The following DAB1 variants were observed in gnomAD, a reference collection of about 807,000 sequenced individuals.
DAB1 encodes disabled homolog 1.
A neutral mutation model predicts 64.6 loss-of-function variants in DAB1; 15 were observed. The observed-to-expected ratio is 0.23, with a 90% CI of 0.16 to 0.36. DAB1 has a LOEUF of 0.36. DAB1 is among the 10% of genes least tolerant of loss of function. The pLI is 1.00. For missense variants in DAB1, 596 were observed against 706.7 expected, an observed-to-expected ratio of 0.84 and a Z score of 1.78; for synonymous variants, 235 against 251.9, an observed-to-expected ratio of 0.93 and a Z score of 0.64.
chr1:57,918,410 G>A (rs1206427248), intron 5 of DAB1, among the ~76,000 whole-genome samples: 1 of 152,068 alleles, frequency 6.6e-6, no homozygotes, highest in Non-Finnish European at 1.5e-5. Flanking sequence ...ATGGCAAAAT[G>A]GAAGTGGACA....
intron 7 of DAB1, among the ~76,000 whole-genome samples, chr1:57,614,900 T>C (rs1645772918): frequency 7.1e-6 from 1 of 140,598 alleles, no homozygotes; most frequent in African/African-American, 2.7e-5. Flanking sequence ...AGATGGAGTC[T>C]CGCTCTGTCG....
At chr1:57,757,959 G>A (rs1406637440) in intron 6 of DAB1, among the ~76,000 whole-genome samples, 2 of 151,954 alleles carry the variant, frequency 1.3e-5, no homozygotes, top group Non-Finnish European at 2.9e-5. Flanking sequence ...TAGGACTCCA[G>A]GTACATGTCA....
intron 3 of DAB1, among the ~76,000 whole-genome samples, chr1:58,464,875 A>T (rs976920534): frequency 8.5e-5 from 13 of 152,176 alleles, no homozygotes; most frequent in South Asian, 8.3e-4. Flanking sequence ...CCTCAGCAGT[A>T]TCCAAACACC....
intron 1 of DAB1, among the ~76,000 whole-genome samples, chr1:57,337,001 G>A (rs1274936002): frequency 6.6e-6 from 1 of 152,120 alleles, no homozygotes; most frequent in Non-Finnish European, 1.5e-5. Flanking sequence ...CAAACAGAGA[G>A]TGTGTTATCC....
intron 6 of DAB1, among the ~76,000 whole-genome samples, chr1:57,713,287 G>T (rs1647047465): frequency 6.6e-6 from 1 of 152,148 alleles, no homozygotes; most frequent in African/African-American, 2.4e-5. Flanking sequence ...GCTTAGGAGT[G>T]GTAGGGAGAA....
chr1:57,287,778 T>TGTTATTTATTTA (rs1553164512), intron 2 of DAB1, among the ~76,000 whole-genome samples: 15 of 144,144 alleles, frequency 1.0e-4, no homozygotes, highest in African/African-American at 3.9e-4. Context: ...TTTCTCTCTC[T>TGTTATTTATTTA]TTTATTTATT....
chr1:57,240,161 C>T (rs750624885), intron 2 of DAB1, among the ~76,000 whole-genome samples: 5 of 152,074 alleles, frequency 3.3e-5, no homozygotes, highest in Non-Finnish European at 5.9e-5. Context: ...CTGAGCATTT[C>T]CTAAATCCTC....
intron 6 of DAB1, among the ~76,000 whole-genome samples, chr1:57,697,241 G>A (rs12143343): frequency 0.25 from 37,250 of 151,646 alleles, 4,704 homozygotes; most frequent in African/African-American, 0.3. Context: ...GAATAAATGA[G>A]TTGATCAATC....
Position 58,238,927 on chromosome 1 carries a change from G to T in DAB1, n.310-88339C>A, listed in dbSNP as rs187345052. Among the ~76,000 whole-genome samples, 5 of 152,258 alleles carry T rather than the reference G, an allele frequency of 3.3e-5. No homozygotes were observed. In the East Asian group the frequency reaches 9.7e-4, roughly 29 times the overall value. On this transcript the variant is annotated intron_variant and non_coding_transcript_variant, in intron 4 of 20. Coordinates refer to the DAB1 transcript ENST00000485760. ...TGAGGCTTAGAAGGGCATGTTAAAA[G>T]AAGGTATATACCATATGCATAGAGA... is the stretch of plus-strand genomic sequence containing the variant.
chr1:58,541,688 G>C (rs1646623766), intron 1 of DAB1: 1 of 142,000 alleles, frequency 7.0e-6, no homozygotes, highest in Non-Finnish European at 1.5e-5. Context: ...ATCTAAATAT[G>C]AATTGAATTT....
At chr1:57,537,115 T>G (rs1351781929) in intron 7 of DAB1, among the ~76,000 whole-genome samples, 1 of 152,256 alleles carries the variant, frequency 6.6e-6, no homozygotes, top group African/African-American at 2.4e-5. Flanking sequence ...TTAGATAAAA[T>G]ACGTCATTCA....
At chr1:58,468,813 C>T (rs967233778) in intron 3 of DAB1, 4 of 160,508 alleles carry the variant, frequency 2.5e-5, no homozygotes, top group African/African-American at 4.8e-5. Flanking sequence ...AGCTCTAGTG[C>T]CCCTGCTATA....
chr1:57,970,118 C>A (rs1286301017), intron 5 of DAB1, among the ~76,000 whole-genome samples: 1 of 152,178 alleles, frequency 6.6e-6, no homozygotes, highest in Non-Finnish European at 1.5e-5. Context: ...GACATCAAAT[C>A]AGATGGTGCC....
At chr1:57,871,466 A>G (rs1042618099) in intron 1 of DAB1, among the ~76,000 whole-genome samples, 2 of 152,144 alleles carry the variant, frequency 1.3e-5, no homozygotes, top group African/African-American at 2.4e-5. Context: ...GTAAGCTTAG[A>G]GCTGGGTTAT....
At chr1:57,394,100 C>T (rs1682615402) in intron 1 of DAB1, among the ~76,000 whole-genome samples, 1 of 152,156 alleles carries the variant, frequency 6.6e-6, no homozygotes, top group Admixed American at 6.5e-5. Context: ...TAACCTTTAT[C>T]ATATATGGTG....
chr1:57,275,953 T>C (rs1294195925), intron 2 of DAB1, among the ~76,000 whole-genome samples: 1 of 152,098 alleles, frequency 6.6e-6, no homozygotes, highest in Non-Finnish European at 1.5e-5. Flanking sequence ...AATGCACCAA[T>C]AAAAATGGCA....
intron 4 of DAB1, among the ~76,000 whole-genome samples, chr1:58,256,918 TATGC>T (rs1660945721): frequency 2.6e-5 from 4 of 152,230 alleles, no homozygotes; most frequent in Non-Finnish European, 5.9e-5. Flanking sequence ...TTGACACTCA[TATGC>T]TGATTTGCGC....
chr1:57,212,489 T>A (rs1452601093), intron 2 of DAB1, among the ~76,000 whole-genome samples: 1 of 144,658 alleles, frequency 6.9e-6, no homozygotes, highest in African/African-American at 2.6e-5. Context: ...TGCCTCAGCC[T>A]CCGGAGTAGC....
At chr1:57,465,362 CTT>C (rs1370496408) in intron 7 of DAB1, among the ~76,000 whole-genome samples, 1 of 152,164 alleles carries the variant, frequency 6.6e-6, no homozygotes, top group African/African-American at 2.4e-5. Context: ...AGGGCAAAAA[CTT>C]TGTTTGATTT....
Sources: allele counts gnomAD v4.1 joint callset (sites outside exome capture counted in the v4.1 genomes callset), GRCh38; gene constraint gnomAD v4.1.1; transcripts MANE v1.5; gene names NCBI Gene and HGNC (gene_info 2026-07-23, HGNC 2026-07-21).